CNOT4: variants seen among roughly 807,000 people sequenced by gnomAD.
CNOT4 encodes CCR4-associated factor 4.
CNOT4 carries 8 observed loss-of-function variants against 73.8 expected under a neutral mutation model. The observed-to-expected ratio is 0.11, with a 90% confidence interval of 0.06 to 0.20. The LOEUF (loss-of-function observed/expected upper bound fraction) is 0.20, where lower values mean the gene tolerates loss of function less well. Ranked by LOEUF, CNOT4 falls within the 10% of genes least tolerant of loss-of-function variation. The pLI is 1.00. For missense variants in CNOT4, 564 were observed against 883.4 expected, an observed-to-expected ratio of 0.64 and a Z score of 4.58; for synonymous variants, 293 against 321.1, an observed-to-expected ratio of 0.91 and a Z score of 0.94.
chr7:135,404,509 A>C (rs554384512), intron 7 of CNOT4, among the ~76,000 whole-genome samples: 1 of 152,288 alleles, frequency 6.6e-6, no homozygotes, highest in East Asian at 1.9e-4. Flanking sequence ...AAATATCCTG[A>C]GGCCTATTCA....
At chr7:135,423,462 T>C (rs1798303585) in intron 2 of CNOT4, among the ~76,000 whole-genome samples, 1 of 149,540 alleles carries the variant, frequency 6.7e-6, no homozygotes, top group Admixed American at 6.6e-5. Flanking sequence ...TCTCTTCATA[T>C]ATAAGCGTTA....
At chr7:135,383,118 G>C (rs1200701688) in intron 10 of CNOT4, among the ~76,000 whole-genome samples, 1 of 152,046 alleles carries the variant, frequency 6.6e-6, no homozygotes. Context: ...TATCTCTACT[G>C]TTCACCAGTA....
chr7:135,438,519 A>G (rs892471417), intron 1 of CNOT4, 96 bp from the exon 2 acceptor site: 6 of 403,302 alleles, frequency 1.5e-5, no homozygotes, highest in African/African-American at 1.2e-4. Context: ...AAAAATACTG[A>G]CTGAGCAACT....
At chr7:135,375,502 G>A (rs1221652099) in intron 10 of CNOT4, among the ~76,000 whole-genome samples, 1 of 152,186 alleles carries the variant, frequency 6.6e-6, no homozygotes, top group African/African-American at 2.4e-5. Context: ...TGAAAAAGTA[G>A]GTATTAGAGA....
chr7:135,461,700 T>A (rs1346138229), intron 1 of CNOT4, among the ~76,000 whole-genome samples: 4 of 152,154 alleles, frequency 2.6e-5, no homozygotes, highest in African/African-American at 9.6e-5. Context: ...GGCGTGGTGG[T>A]GCACCCCTAT....
chr7:135,443,542 T>A (rs1799621888), intron 1 of CNOT4, among the ~76,000 whole-genome samples: 1 of 152,174 alleles, frequency 6.6e-6, no homozygotes, highest in Non-Finnish European at 1.5e-5. Context: ...ATTACTGATG[T>A]TGGAGCTATG....
At chr7:135,493,088 C>G (rs1356582458) in intron 1 of CNOT4, among the ~76,000 whole-genome samples, 1 of 152,164 alleles carries the variant, frequency 6.6e-6, no homozygotes, top group Non-Finnish European at 1.5e-5. Context: ...TGGACAACTG[C>G]CCCATCTCCA....
Position 135,363,092 on chromosome 7 carries a change from G to T in CNOT4, c.1935C>A (p.Asp645Glu). 1 of 1,613,916 alleles carries T rather than the reference G, an allele frequency of 6.2e-7. No homozygotes were observed. Among genetic ancestry groups the T allele is most frequent in the African/African-American group, 1.3e-5 (1 of 75,014 alleles). ...TCTGTGATGGAGCAGCGCTGGGGCC[G>T]TCCATCTCTGTGAGGGCCTGAAGGG... ...LKSLQALTEMDGPSAAPSQTH... is the reference protein window; with the variant it reads ...LKSLQALTEMEGPSAAPSQTH... The change falls in exon 12 of 12, where the codon GAC becomes GAA. Residue 645 changes from aspartate to glutamate, a missense_variant. Physicochemically the swap from Asp to Glu is conservative, Grantham distance 45. This residue lies in a region of CNOT4 where 88 missense variants were observed against 94.7 expected (regional missense o/e 0.93). Transcript: ENST00000541284. The surrounding 1 kb of genome is among the most constrained non-coding windows in gnomAD (Gnocchi z 4.3).
intron 1 of CNOT4, among the ~76,000 whole-genome samples, chr7:135,439,241 T>C (rs887318116): frequency 2.2e-4 from 33 of 152,186 alleles, no homozygotes; most frequent in African/African-American, 8.0e-4. Flanking sequence ...CAAACTAATC[T>C]ATAATTCTAT....
intron 1 of CNOT4, among the ~76,000 whole-genome samples, chr7:135,481,149 G>C (rs1449775895): frequency 6.6e-6 from 1 of 151,988 alleles, no homozygotes; most frequent in Admixed American, 6.6e-5. Context: ...ATAATGAAGA[G>C]ATAACCTGTT....
chr7:135,442,372 G>A (rs990627023), intron 1 of CNOT4, among the ~76,000 whole-genome samples: 1 of 152,156 alleles, frequency 6.6e-6, no homozygotes, highest in African/African-American at 2.4e-5. Flanking sequence ...CAAGGCGGGC[G>A]GATCACCTGA....
At chr7:135,453,824 T>TATA (rs1491151967) in intron 1 of CNOT4, among the ~76,000 whole-genome samples, 1 of 69,856 alleles carries the variant, frequency 1.4e-5, no homozygotes, top group Non-Finnish European at 3.2e-5. Flanking sequence ...AATATATATA[T>TATA]TTTATATATA....
chr7:135,433,282 T>C (rs569588701), intron 2 of CNOT4, among the ~76,000 whole-genome samples: 3 of 152,230 alleles, frequency 2.0e-5, no homozygotes. Context: ...TTATTTTTGC[T>C]ATTATATTTT....
chr7:135,463,355 T>G (rs1308099429), intron 1 of CNOT4, among the ~76,000 whole-genome samples: 6 of 152,076 alleles, frequency 3.9e-5, no homozygotes, highest in Non-Finnish European at 8.8e-5. Flanking sequence ...CTGGCCAACA[T>G]GCTGAAACCC....
At chr7:135,405,212 C>T (rs1423134604) in intron 7 of CNOT4, among the ~76,000 whole-genome samples, 1 of 152,142 alleles carries the variant, frequency 6.6e-6, no homozygotes, top group African/African-American at 2.4e-5. Context: ...ACCACACAGG[C>T]CTACTGAGGA....
At position 135,362,508 on chromosome 7, in the gene CNOT4, T is replaced by G; in HGVS notation, c.*377A>C. On this transcript the variant is annotated 3_prime_UTR_variant, in exon 12 of 12. Transcript: ENST00000541284. ...TCAAACTTCTGCAGTTGATAATGCA[T>G]TTACTTGAGCTTTCCTATAGATTAA... 2 of 348,568 alleles carry G rather than the reference T, an allele frequency of 5.7e-6. No individual in the cohort carries two copies. The highest frequency in any genetic ancestry group is 2.1e-5 in the African/African-American group (1 of 47,340). 21.6% of individuals were successfully genotyped at this position (348,568 alleles called of 1,614,324 possible).
Position 135,362,808 on chromosome 7 carries a change from A to G in CNOT4, c.*77T>C. The G allele has an allele frequency of 7.8e-7, 1 of 1,276,438 alleles. No homozygotes were observed. Among genetic ancestry groups the G allele is most frequent in the Non-Finnish European group, 1.1e-6 (1 of 872,342 alleles). The allele number at this position is 1,276,438 out of a possible 1,614,324, so 79.1% of individuals were successfully genotyped here. Reference sequence around the variant, plus strand: ...TTCAGAACATAAGAGATGAGAAGGGAGCTGTGGGTGGTGGGCTGAGAGGGA... The same window carrying G: ...TTCAGAACATAAGAGATGAGAAGGGGGCTGTGGGTGGTGGGCTGAGAGGGA... On this transcript the variant is annotated 3_prime_UTR_variant, in exon 12 of 12. Coordinates refer to ENST00000541284, the MANE Select transcript of CNOT4 (RefSeq NM_001190850.2).
intron 3 of CNOT4, among the ~76,000 whole-genome samples, 174 bp from the exon 4 acceptor site, chr7:135,415,436 CAA>C (rs1048658516): frequency 9.9e-5 from 15 of 152,154 alleles, no homozygotes; most frequent in African/African-American, 2.6e-4. Context: ...TATAGGAAAT[CAA>C]AAGAGTTTAA....
At chr7:135,366,619 C>G (rs559719868) in intron 10 of CNOT4, among the ~76,000 whole-genome samples, 1 of 152,272 alleles carries the variant, frequency 6.6e-6, no homozygotes, top group South Asian at 2.1e-4. Context: ...CCTCCTCCCC[C>G]CAAAAAATCA....
Sources: gnomAD v4.1 joint callset for allele counts (sites outside exome capture counted in the v4.1 genomes callset) on GRCh38, gnomAD v4.1.1 for gene constraint, gnomAD v4.1.1 regional missense constraint, Gnocchi (gnomAD v3.1) non-coding constraint, MANE v1.5 for transcripts, NCBI Gene and HGNC (gene_info 2026-07-23, HGNC 2026-07-21) for gene names.